HSD17B4: variants seen among roughly 807,000 people sequenced by gnomAD.
HSD17B4 encodes hydroxysteroid 17-beta dehydrogenase 4.
A neutral mutation model predicts 101.0 loss-of-function variants in HSD17B4; 70 were observed. That is an observed-to-expected ratio of 0.69 (90% CI 0.57 to 0.85). The LOEUF (loss-of-function observed/expected upper bound fraction) is 0.85, where lower values mean the gene tolerates loss of function less well. HSD17B4 is among the 40% of genes least tolerant of loss of function. The pLI, the probability that HSD17B4 is intolerant of heterozygous loss-of-function variation, is 0.00. For synonymous variants in HSD17B4, 347 were observed against 297.1 expected (o/e 1.17, Z -1.73); for missense variants, 984 against 892.4 (o/e 1.10, Z -1.31).
chr5:119,514,886 G>T, intron 16 of HSD17B4, 95 bp from the exon 17 acceptor site: 1 of 787,870 alleles, frequency 1.3e-6, no homozygotes, highest in Non-Finnish European at 2.3e-6. Context: ...AGAGTTTATT[G>T]TATTGAAACA....
chr5:119,452,643 C>G lies in HSD17B4; in HGVS notation c.58+10C>G. On this transcript the variant is annotated intron_variant, in intron 1 of 23. Coordinates refer to ENST00000510025, the MANE Select transcript of HSD17B4 (RefSeq NM_000414.4). ...ACCGGCGCGGGGGCAGGTGAGCATG[C>G]GAAGGTTGGAGGCCGCGCCCCTTGC... 1.2e-6 allele frequency: 2 copies of G among 1,613,758 alleles called. No individual in the cohort carries two copies. The highest frequency in any genetic ancestry group is 1.7e-6 in the Non-Finnish European group (2 of 1,179,962).
chr5:119,478,766 C>A, intron 7 of HSD17B4, 68 bp from the exon 8 acceptor site: 1 of 1,344,996 alleles, frequency 7.4e-7, no homozygotes, highest in Non-Finnish European at 1.1e-6. Context: ...AGTACCAAAA[C>A]AGAGTTAGAG....
chr5:119,497,917 C>G (rs1370240706), intron 12 of HSD17B4, among the ~76,000 whole-genome samples: 1 of 151,872 alleles, frequency 6.6e-6, no homozygotes, highest in Admixed American at 6.6e-5. Context: ...TTTTCTGACT[C>G]TTTAGAAAAG....
chr5:119,502,086 A>G lies in HSD17B4; in HGVS notation c.1255A>G (p.Arg419Gly). ...QYLELYKPLPRAGKLKCEAVV... is the reference protein window; with the variant it reads ...QYLELYKPLPGAGKLKCEAVV... ...CTTAGAGTTATATAAACCACTTCCCAGAGCAGGTGAGTTATTGATATACTA... is the reference window on the plus strand; with the variant it reads ...CTTAGAGTTATATAAACCACTTCCCGGAGCAGGTGAGTTATTGATATACTA... The change falls in exon 14 of 24, where the codon AGA (arginine) becomes GGA (glycine). Residue 419 changes from arginine (R) to glycine (G), a missense_variant. Physicochemically the swap from Arg to Gly is moderately radical, Grantham distance 125 (BLOSUM62 -2). Transcript: ENST00000510025. 1 of 1,592,630 alleles carries G rather than the reference A, an allele frequency of 6.3e-7. No homozygotes were observed. The highest frequency in any genetic ancestry group is 8.6e-7 in the Non-Finnish European group (1 of 1,160,694).
chr5:119,474,314 A>G, intron 3 of HSD17B4, 87 bp from the exon 4 acceptor site: 2 of 828,306 alleles, frequency 2.4e-6, no homozygotes, highest in East Asian at 2.4e-5. Flanking sequence ...GGTGAATAGT[A>G]TTTGTCGTGT....
At chr5:119,454,307 A>T (rs1216442743) in intron 1 of HSD17B4, among the ~76,000 whole-genome samples, 12 of 146,894 alleles carry the variant, frequency 8.2e-5, no homozygotes, top group South Asian at 2.1e-4. Flanking sequence ...AGTTGATTAA[A>T]TTTTTTTTTT....
intron 11 of HSD17B4, among the ~76,000 whole-genome samples, chr5:119,496,198 C>G (rs959311966): frequency 2.6e-5 from 4 of 152,160 alleles, no homozygotes; most frequent in African/African-American, 9.7e-5. Flanking sequence ...ATCTCTCCAT[C>G]AGACAAATTG....
In HSD17B4 at chr5:119,496,546, C is replaced by G. The variant is rs1057516269; in HGVS notation, c.872C>G (p.Ser291Ter). 4.6e-6 allele frequency: 7 copies of G among 1,514,516 alleles called. No individual in the cohort carries two copies. Among genetic ancestry groups the G allele is most frequent in the Non-Finnish European group, 6.4e-6 (7 of 1,089,680 alleles). 93.8% of individuals were successfully genotyped at this position (1,514,516 alleles called of 1,614,324 possible). Reference sequence around the variant, plus strand: ...TGTTTTTCATTTTTCATTTTAGAATCAACTGGCAGTATAATTGAAGTTCTG... The same window carrying G: ...TGTTTTTCATTTTTCATTTTAGAATGAACTGGCAGTATAATTGAAGTTCTG... ...NASKPQSIQE[S>*]TGSIIEVLSK... The change falls in exon 12 of 24, where the codon TCA (serine) becomes TGA (stop). Residue 291 changes from serine (S) to a stop codon, truncating the protein, a stop_gained. Transcript: ENST00000510025. LOFTEE classifies it high-confidence loss of function.
At chr5:119,526,087 G>A in intron 19 of HSD17B4, 64 bp downstream of exon 19, 1 of 920,434 alleles carries the variant, frequency 1.1e-6, no homozygotes, top group Non-Finnish European at 1.8e-6. Flanking sequence ...AGAAGAAAAG[G>A]GGTTTTAGTG....
intron 1 of HSD17B4, chr5:119,452,850 G>T (rs556550464): frequency 6.5e-7 from 1 of 1,535,608 alleles, no homozygotes. Context: ...CAGCACCCCG[G>T]TGTGGGCTTC....
intron 2 of HSD17B4, among the ~76,000 whole-genome samples, chr5:119,466,739 T>G (rs962493167): frequency 2.0e-5 from 3 of 152,154 alleles, no homozygotes; most frequent in Non-Finnish European, 4.4e-5. Context: ...AAAACCAACT[T>G]TTTGTTTCAG....
intron 22 of HSD17B4, among the ~76,000 whole-genome samples, chr5:119,531,764 A>G (rs1754136479): frequency 6.6e-6 from 1 of 152,168 alleles, no homozygotes; most frequent in Admixed American, 6.6e-5. Context: ...GTCAAAATGA[A>G]GTATTTTTAA....
intron 2 of HSD17B4, among the ~76,000 whole-genome samples, chr5:119,457,754 G>A (rs551824317): frequency 1.3e-5 from 2 of 152,126 alleles, no homozygotes; most frequent in South Asian, 4.2e-4. Flanking sequence ...TTCCATAACG[G>A]CAAGGATCTT....
chr5:119,458,423 A>G (rs1754889406), intron 2 of HSD17B4, among the ~76,000 whole-genome samples: 1 of 150,442 alleles, frequency 6.6e-6, no homozygotes, highest in African/African-American at 2.5e-5. Flanking sequence ...GGCTCACTGC[A>G]ACGTCTGCCT....
chr5:119,472,070 A>G (rs1756428257), intron 2 of HSD17B4, among the ~76,000 whole-genome samples: 1 of 152,220 alleles, frequency 6.6e-6, no homozygotes, highest in South Asian at 2.1e-4. Context: ...ACATATGAAC[A>G]TGGAGTTATG....
intron 17 of HSD17B4, among the ~76,000 whole-genome samples, chr5:119,524,031 G>A (rs1753353373): frequency 6.6e-6 from 1 of 151,862 alleles, no homozygotes; most frequent in South Asian, 2.1e-4. Context: ...ATATATATTT[G>A]CTAACATTTT....
At chr5:119,491,996 A>G (rs1378593821) in intron 9 of HSD17B4, 104 bp from the exon 10 acceptor site, 3 of 882,158 alleles carry the variant, frequency 3.4e-6, no homozygotes, top group Non-Finnish European at 5.8e-6. Context: ...TGTTGCCTTG[A>G]ATTCTAATAC....
intron 17 of HSD17B4, among the ~76,000 whole-genome samples, chr5:119,520,132 T>G (rs1474162166): frequency 6.6e-6 from 1 of 151,666 alleles, no homozygotes; most frequent in Non-Finnish European, 1.5e-5. Context: ...AAAATTACCA[T>G]ACATTTTATA....
chr5:119,514,601 G>T (rs1752451057), intron 16 of HSD17B4, among the ~76,000 whole-genome samples: 1 of 152,136 alleles, frequency 6.6e-6, no homozygotes, highest in Non-Finnish European at 1.5e-5. Flanking sequence ...ATTAAAATAT[G>T]CAAGGATTTA....
Sources: gnomAD v4.1 joint callset for allele counts (sites outside exome capture counted in the v4.1 genomes callset) on GRCh38, gnomAD v4.1.1 for gene constraint, MANE v1.5 for transcripts, NCBI Gene and HGNC (gene_info 2026-07-23, HGNC 2026-07-21) for gene names.